COL26A1: variants seen among roughly 807,000 people sequenced by gnomAD.
COL26A1 encodes collagen type XXVI alpha 1 chain.
Under a neutral mutation model 59.3 loss-of-function variants are expected in COL26A1, and 41 were observed. The observed-to-expected ratio is 0.69, with a 90% CI of 0.54 to 0.90. The LOEUF (loss-of-function observed/expected upper bound fraction) is 0.90, where lower values mean the gene tolerates loss of function less well. Among genes scored for constraint, COL26A1 ranks in the 40% least tolerant of loss-of-function variants. The pLI is 0.00. For synonymous variants in COL26A1, 266 were observed against 256.0 expected, an observed-to-expected ratio of 1.04 and a Z score of -0.37; for missense variants, 612 against 602.3, an observed-to-expected ratio of 1.02 and a Z score of -0.17.
At chr7:101,469,904 G>A (rs1302561682) in intron 3 of COL26A1, among the ~76,000 whole-genome samples, 2 of 152,126 alleles carry the variant, frequency 1.3e-5, no homozygotes, top group Non-Finnish European at 2.9e-5. Flanking sequence ...TTGAGTAGCA[G>A]CCAACTGGGA....
chr7:101,503,741 AG>A (rs1178769413), intron 3 of COL26A1, among the ~76,000 whole-genome samples: 2 of 152,188 alleles, frequency 1.3e-5, no homozygotes, highest in African/African-American at 4.8e-5. Flanking sequence ...GAACCACACA[AG>A]ATTGCCTCAA....
chr7:101,391,119 A>C (rs1934678541), intron 1 of COL26A1, among the ~76,000 whole-genome samples: 1 of 152,166 alleles, frequency 6.6e-6, no homozygotes, highest in Admixed American at 6.5e-5. Flanking sequence ...GGAGGGCCCC[A>C]GCCCTTGAAG....
intron 3 of COL26A1, among the ~76,000 whole-genome samples, chr7:101,497,838 G>T (rs965087985): frequency 1.3e-5 from 2 of 152,136 alleles, no homozygotes; most frequent in African/African-American, 4.8e-5. Flanking sequence ...TTAAAAATTT[G>T]CTAGGTGTGG....
intron 1 of COL26A1, among the ~76,000 whole-genome samples, chr7:101,409,035 C>A (rs1199983238): frequency 2.0e-5 from 3 of 152,256 alleles, no homozygotes; most frequent in Non-Finnish European, 4.4e-5. Flanking sequence ...TTACTCCTTC[C>A]TGTGCCTCAG....
At chr7:101,497,543 G>T (rs1347823477) in intron 3 of COL26A1, among the ~76,000 whole-genome samples, 1 of 151,950 alleles carries the variant, frequency 6.6e-6, no homozygotes, top group Non-Finnish European at 1.5e-5. Flanking sequence ...AGGTGTGGTG[G>T]TGCATGCCTG....
At chr7:101,553,840 C>G (rs967419868) in intron 11 of COL26A1, among the ~76,000 whole-genome samples, 11 of 152,030 alleles carry the variant, frequency 7.2e-5, no homozygotes, top group African/African-American at 2.4e-4. Flanking sequence ...GGAAGAGGGA[C>G]TTGCAAACTG....
At chr7:101,365,201 T>C (rs1421790310) in intron 1 of COL26A1, among the ~76,000 whole-genome samples, 1 of 152,184 alleles carries the variant, frequency 6.6e-6, no homozygotes, top group Non-Finnish European at 1.5e-5. Context: ...CACAGTTCCA[T>C]ATGAGGATTG....
At chr7:101,383,047 A>C (rs568555452) in intron 1 of COL26A1, among the ~76,000 whole-genome samples, 8 of 152,260 alleles carry the variant, frequency 5.3e-5, no homozygotes, top group African/African-American at 1.7e-4. Context: ...GTCTCAAAAA[A>C]ACAAAAACAA....
chr7:101,412,367 C>CG (rs1363312208), intron 1 of COL26A1, among the ~76,000 whole-genome samples: 1 of 151,940 alleles, frequency 6.6e-6, no homozygotes, highest in East Asian at 1.9e-4. Context: ...AAAGTGGGGC[C>CG]GGCACAGTGG....
At chr7:101,535,782 T>G (rs1360252046) in intron 4 of COL26A1, among the ~76,000 whole-genome samples, 1 of 152,146 alleles carries the variant, frequency 6.6e-6, no homozygotes, top group African/African-American at 2.4e-5. Context: ...TTGGAGTCAC[T>G]TCGTTTTGAG....
Position 101,540,059 on chromosome 7 carries a change from G to C in COL26A1, c.604+10G>C. The C allele has an allele frequency of 6.2e-7, 1 of 1,609,534 alleles. No individual in the cohort carries two copies. The highest frequency in any genetic ancestry group is 8.5e-7 in the Non-Finnish European group (1 of 1,178,364). Reference sequence around the variant, plus strand: ...CCCACGGGCCCAGCCGGTGAGTGAGGGCTGCAGAGAGGACAGGCTGGGGCA... The same window carrying C: ...CCCACGGGCCCAGCCGGTGAGTGAGCGCTGCAGAGAGGACAGGCTGGGGCA... On this transcript the variant is annotated intron_variant, in intron 5 of 12. Coordinates refer to ENST00000313669, the MANE Select transcript of COL26A1 (RefSeq NM_001278563.3).
rs554449333 is a variant in COL26A1, at chr7:101,378,458, G to A, written c.158+15268G>A. On this transcript the variant is annotated intron_variant, in intron 1 of 12. Transcript: ENST00000313669. ...AATCGCTTGAACCGGGGAGGCAGAG[G>A]TTGCAGTGAGCTGAGATTATGCCGT... 2.2e-3 allele frequency among the ~76,000 whole-genome samples: 330 copies of A among 152,234 alleles called. 2 individuals are homozygous for A. Among genetic ancestry groups the A allele is most frequent in the Non-Finnish European group, 3.5e-3 (235 of 68,026 alleles).
In COL26A1 at chr7:101,434,083, TCC is replaced by T. The variant is rs1204752325; in HGVS notation, c.282-13599_282-13598del. ...CTCCCTCCCTCCCTCCCTCCCTCCCTCCCTCCCTCTTTCTTTCTGCTTTCTTT... is the reference window on the plus strand; with the variant it reads ...CTCCCTCCCTCCCTCCCTCCCTCCCTCTCCCTCTTTCTTTCTGCTTTCTTT... On this transcript the variant is annotated intron_variant, in intron 2 of 12. Coordinates refer to ENST00000313669, the MANE Select transcript of COL26A1 (RefSeq NM_001278563.3). Among the ~76,000 whole-genome samples, 208 of 28,600 alleles carry T rather than the reference TCC, an allele frequency of 7.3e-3. 10 individuals are homozygous for T. Among genetic ancestry groups the T allele is most frequent in the African/African-American group, 0.013 (150 of 11,458 alleles). 18.8% of individuals were successfully genotyped at this position (28,600 alleles called of 152,430 possible).
At chr7:101,452,999 C>T (rs1793380677) in intron 3 of COL26A1, among the ~76,000 whole-genome samples, 1 of 152,118 alleles carries the variant, frequency 6.6e-6, no homozygotes, top group Non-Finnish European at 1.5e-5. Context: ...GATCTGCCCG[C>T]CCCCGCCTCC....
At chr7:101,387,630 G>GCTCTCTCTCTCTCTCTCTCT (rs374185692) in intron 1 of COL26A1, among the ~76,000 whole-genome samples, 41 of 132,424 alleles carry the variant, frequency 3.1e-4, no homozygotes, top group African/African-American at 1.1e-3. Flanking sequence ...TCTCTCTCTC[G>GCTCTCTCTCTCTCTCTCTCT]CTCTCTCTCT....
At chr7:101,440,353 G>A (rs1048822535) in intron 2 of COL26A1, among the ~76,000 whole-genome samples, 7 of 152,156 alleles carry the variant, frequency 4.6e-5, no homozygotes, top group African/African-American at 1.2e-4. Context: ...GCAACAGAGC[G>A]AGACTCTGTC....
chr7:101,448,778 C>G (rs1201496114), intron 3 of COL26A1, among the ~76,000 whole-genome samples: 1 of 152,194 alleles, frequency 6.6e-6, no homozygotes, highest in Admixed American at 6.5e-5. Context: ...AGGTGTGAAC[C>G]ACCTCTCCCG....
intron 2 of COL26A1, among the ~76,000 whole-genome samples, chr7:101,431,597 A>T (rs2130319601): frequency 6.6e-6 from 1 of 151,986 alleles, no homozygotes; most frequent in African/African-American, 2.4e-5. Context: ...AAATTAAGGA[A>T]GTTTTCCTCT....
intron 1 of COL26A1, among the ~76,000 whole-genome samples, chr7:101,386,372 C>T (rs1034796963): frequency 2.0e-5 from 3 of 151,644 alleles, no homozygotes; most frequent in Admixed American, 2.0e-4. Flanking sequence ...TGGGCTCAAG[C>T]AAGCCTCCTG....
Sources: gnomAD v4.1 joint callset for allele counts (sites outside exome capture counted in the v4.1 genomes callset) on GRCh38, gnomAD v4.1.1 for gene constraint, MANE v1.5 for transcripts, NCBI Gene and HGNC (gene_info 2026-07-23, HGNC 2026-07-21) for gene names.